ALMS1: variants seen among roughly 807,000 people sequenced by gnomAD.
ALMS1 encodes centrosome-associated protein ALMS1.
A neutral mutation model predicts 352.2 loss-of-function variants in ALMS1; 271 were observed. The observed-to-expected ratio is 0.77, with a 90% CI of 0.70 to 0.85. The LOEUF (loss-of-function observed/expected upper bound fraction) is 0.85, where lower values mean the gene tolerates loss of function less well. Ranked by LOEUF, ALMS1 falls within the 40% of genes least tolerant of loss-of-function variation. The pLI, the probability that ALMS1 is intolerant of heterozygous loss-of-function variation, is 0.00. For missense variants in ALMS1, 5,445 were observed against 4,870.7 expected, an observed-to-expected ratio of 1.12 and a Z score of -3.51; for synonymous variants, 1,865 against 1,761.2, an observed-to-expected ratio of 1.06 and a Z score of -1.48.
intron 14 of ALMS1, 57 bp downstream of exon 14, chr2:73,557,411 A>C (rs1018743011): frequency 1.2e-6 from 2 of 1,607,956 alleles, no homozygotes. Context: ...AAATGAGACT[A>C]TTCCCTTAAG....
At chr2:73,454,437 T>A (rs1035502350) in intron 8 of ALMS1, 1 of 923,792 alleles carries the variant, frequency 1.1e-6, no homozygotes, top group Admixed American at 6.2e-5. Context: ...CCCATTATAG[T>A]ATCCTTATTC....
chr2:73,461,798 T>C (rs1672209452), intron 9 of ALMS1, among the ~76,000 whole-genome samples: 1 of 151,870 alleles, frequency 6.6e-6, no homozygotes. Context: ...GCGAGAACCA[T>C]GTGAAGAATG....
intron 2 of ALMS1, among the ~76,000 whole-genome samples, chr2:73,418,221 A>G (rs141933595): frequency 2.8e-4 from 43 of 152,296 alleles, no homozygotes; most frequent in African/African-American, 9.9e-4. Context: ...GTTCTTCCCT[A>G]TAGGTAGTTT....
rs763815294 is a variant in ALMS1, at chr2:73,561,886, ACT to A, written c.10384+2747_10384+2748del. ...AGAAAAATTTTTCTAAATGTTTTAC[ACT>A]CTGAATAATTTTAGAAGACATGAAG... On this transcript the variant is annotated intron_variant, in intron 15 of 22. Transcript: ENST00000613296. Among the ~76,000 whole-genome samples, 9 of 152,314 alleles carry A rather than the reference ACT, an allele frequency of 5.9e-5. No homozygotes were observed. In the East Asian group the frequency reaches 1.2e-3, roughly 20 times the overall value.
At chr2:73,598,920 A>G (rs1675610770) in intron 16 of ALMS1, among the ~76,000 whole-genome samples, 1 of 152,114 alleles carries the variant, frequency 6.6e-6, no homozygotes, top group African/African-American at 2.4e-5. Context: ...ACTTTTTGCA[A>G]TGCTCTACTC....
intron 1 of ALMS1, among the ~76,000 whole-genome samples, chr2:73,405,069 G>A (rs1409382182): frequency 6.6e-6 from 1 of 151,440 alleles, no homozygotes; most frequent in Non-Finnish European, 1.5e-5. Context: ...GCACCACCAT[G>A]TCCAGCTATT....
chr2:73,555,150 T>C (rs1450602508), intron 13 of ALMS1, among the ~76,000 whole-genome samples: 1 of 152,192 alleles, frequency 6.6e-6, no homozygotes, highest in Non-Finnish European at 1.5e-5. Flanking sequence ...TTCTAAAATA[T>C]TTATGGAAAA....
rs1340646587 is a variant in ALMS1, at chr2:73,471,873, A to G, written c.7674+16578A>G. 2.0e-5 allele frequency among the ~76,000 whole-genome samples: 3 copies of G among 152,166 alleles called. No individual in the cohort carries two copies. In the South Asian group the frequency reaches 6.2e-4, roughly 32 times the overall value. On this transcript the variant is annotated intron_variant, in intron 9 of 22. Transcript: ENST00000613296. ...ACTTCTGGGTACATATCCAAAGGAAATGAAATCAGAATCTTGAGGAGATCC... is the reference window on the plus strand; with the variant it reads ...ACTTCTGGGTACATATCCAAAGGAAGTGAAATCAGAATCTTGAGGAGATCC...
chr2:73,452,251 G>T lies in ALMS1; in HGVS notation c.5724G>T (p.Gln1908His), dbSNP rs779739318. ...AGAAGGCCAGTATTTTTCATCAGCAGGAGTTGCCAGATGTTACTGAAGAAG... is the reference window on the plus strand; with the variant it reads ...AGAAGGCCAGTATTTTTCATCAGCATGAGTTGCCAGATGTTACTGAAGAAG... The part of the protein sequence containing the change: ...NREKASIFHQ[Q>H]ELPDVTEEAL... Residue 1908 changes from glutamine (Q) to histidine (H), a missense_variant, in exon 8 of 23, where the codon CAG becomes CAT. Gln to His is a conservative substitution (Grantham distance 24, BLOSUM62 0). Coordinates refer to ENST00000613296, the MANE Select transcript of ALMS1 (RefSeq NM_001378454.1). 1 of 1,613,918 alleles carries T rather than the reference G, an allele frequency of 6.2e-7. No individual in the cohort carries two copies. Among genetic ancestry groups the T allele is most frequent in the Non-Finnish European group, 8.5e-7 (1 of 1,180,012 alleles).
intron 9 of ALMS1, among the ~76,000 whole-genome samples, chr2:73,488,174 A>G (rs534060587): frequency 1.2e-4 from 19 of 152,208 alleles, no homozygotes; most frequent in African/African-American, 4.6e-4. Context: ...TACCCATGGC[A>G]CACCCAGGCT....
intron 2 of ALMS1, among the ~76,000 whole-genome samples, chr2:73,417,142 A>G (rs1671195780): frequency 6.6e-6 from 1 of 152,186 alleles, no homozygotes; most frequent in African/African-American, 2.4e-5. Context: ...TGGTAAAGAG[A>G]AAAACAAGTT....
chr2:73,550,479 C>T (rs1212671201), intron 13 of ALMS1, 42 bp downstream of exon 13: 1 of 1,604,214 alleles, frequency 6.2e-7, no homozygotes. Flanking sequence ...TTTTTCTCCC[C>T]TTTTCATCCT....
rs1670518062 is a variant in ALMS1 at position 73,386,051 on chromosome 2, G to A, written c.183G>A (p.Gly61=). ...GRELDSDSHY[G]PQHLESIDDE... The stretch of plus-strand genomic sequence containing the variant: ...AGTTGGACTCCGACTCTCACTACGG[G>A]CCCCAGCATCTGGAAAGTATAGACG... The change falls in exon 1 of 23, where the codon GGG becomes GGA. Residue 61 remains glycine, a synonymous_variant. Coordinates refer to ENST00000613296, the MANE Select transcript of ALMS1 (RefSeq NM_001378454.1). 2 of 1,582,604 alleles carry A rather than the reference G, an allele frequency of 1.3e-6. No homozygotes were observed. The highest frequency in any genetic ancestry group is 2.3e-5 in the South Asian group (2 of 86,566).
chr2:73,424,448 T>TGAA lies in ALMS1; in HGVS notation c.786_788dup (p.Glu262dup), dbSNP rs1334840291. The TGAA allele has an allele frequency of 1.9e-6, 3 of 1,590,320 alleles. No individual in the cohort carries two copies. The African/African-American group carries it at 4.1e-5, about 22-fold the overall frequency. On this transcript the variant is annotated inframe_insertion, in exon 5 of 23. Coordinates refer to ENST00000613296, the MANE Select transcript of ALMS1 (RefSeq NM_001378454.1). ...TTTTCAGGGGAATTCCTGATAAGTC[T>TGAA]GAAGATACTGAATGGTCTTCTCGAC... is the stretch of plus-strand genomic sequence containing the variant.
chr2:73,535,183 G>T (rs1489853770), intron 12 of ALMS1, among the ~76,000 whole-genome samples: 2 of 152,080 alleles, frequency 1.3e-5, no homozygotes, highest in Non-Finnish European at 2.9e-5. Context: ...GGGTTAGTGG[G>T]CTCCATCTAG....
intron 1 of ALMS1, among the ~76,000 whole-genome samples, chr2:73,407,787 A>G (rs999230673): frequency 6.6e-6 from 1 of 152,050 alleles, no homozygotes; most frequent in African/African-American, 2.4e-5. Flanking sequence ...GGAACTCCTG[A>G]CCTCAGGTAA....
At chr2:73,406,896 A>G (rs1670983465) in intron 1 of ALMS1, among the ~76,000 whole-genome samples, 1 of 152,206 alleles carries the variant, frequency 6.6e-6, no homozygotes, top group South Asian at 2.1e-4. Context: ...AAAGTGCTGG[A>G]TTACAGGCAT....
chr2:73,491,024 A>G lies in ALMS1; in HGVS notation c.9065A>G (p.Gln3022Arg). 1 of 1,614,238 alleles carries G rather than the reference A, an allele frequency of 6.2e-7. No individual in the cohort carries two copies. Among genetic ancestry groups the G allele is most frequent in the Non-Finnish European group, 8.5e-7 (1 of 1,180,030 alleles). The change falls in exon 10 of 23, where the codon CAG (glutamine) becomes CGG (arginine). Residue 3022 changes from glutamine to arginine, a missense_variant. Physicochemically the swap from Gln to Arg is conservative, Grantham distance 43. Transcript: ENST00000613296. The part of the protein sequence containing the change: ...VEAKFNTVVS[Q>R]SAPNHCTLAA... ...GCCAAGTTCAATACTGTGGTCTCCC[A>G]GTCAGCCCCAAATCACTGTACATTA...
intron 12 of ALMS1, among the ~76,000 whole-genome samples, chr2:73,544,884 G>A (rs1473725294): frequency 6.6e-6 from 1 of 152,174 alleles, no homozygotes. Context: ...AAAGAGGAAT[G>A]AAATTCTGGT....
Sources: gnomAD v4.1 joint callset for allele counts (sites outside exome capture counted in the v4.1 genomes callset) on GRCh38, gnomAD v4.1.1 for gene constraint, MANE v1.5 for transcripts, NCBI Gene and HGNC (gene_info 2026-07-23, HGNC 2026-07-21) for gene names.